CLSTN2: variants seen among roughly 807,000 people sequenced by gnomAD.
CLSTN2 encodes the protein calsyntenin-2.
CLSTN2 carries 48 observed loss-of-function variants against 101.2 expected under a neutral mutation model. That is an observed-to-expected ratio of 0.47 (90% confidence interval 0.38 to 0.60). The LOEUF is 0.60. Among genes scored for constraint, CLSTN2 ranks in the 20% least tolerant of loss-of-function variants. The pLI, the probability that CLSTN2 is intolerant of heterozygous loss-of-function variation, is 0.00. For synonymous variants in CLSTN2, 481 were observed against 463.6 expected, an observed-to-expected ratio of 1.04 and a Z score of -0.48; for missense variants, 1,160 against 1,238.2, an observed-to-expected ratio of 0.94 and a Z score of 0.95.
At chr3:140,421,859 A>G (rs116560586) in intron 5 of CLSTN2, among the ~76,000 whole-genome samples, 2,271 of 152,344 alleles carry the variant, frequency 0.015, 23 homozygotes, top group Middle Eastern at 0.031. Flanking sequence ...TCACCCTTAG[A>G]TAACAGTTTA....
At chr3:140,287,394 T>C (rs1345963246) in intron 2 of CLSTN2, among the ~76,000 whole-genome samples, 1 of 152,152 alleles carries the variant, frequency 6.6e-6, no homozygotes, top group East Asian at 1.9e-4. Flanking sequence ...AAGGGTGGAT[T>C]GTACAGGGAC....
intron 8 of CLSTN2, among the ~76,000 whole-genome samples, chr3:140,497,356 G>C (rs927895828): frequency 6.6e-6 from 1 of 152,180 alleles, no homozygotes; most frequent in Non-Finnish European, 1.5e-5. Context: ...CGCCCAGTCA[G>C]GAGGGATGGA....
chr3:140,409,431 C>T (rs557435135), intron 4 of CLSTN2, among the ~76,000 whole-genome samples: 2 of 152,280 alleles, frequency 1.3e-5, no homozygotes, highest in Admixed American at 6.5e-5. Flanking sequence ...GCTACCTGAA[C>T]CAATAAGACA....
chr3:140,381,915 G>A (rs1332270862), intron 2 of CLSTN2, among the ~76,000 whole-genome samples: 1 of 152,206 alleles, frequency 6.6e-6, no homozygotes, highest in African/African-American at 2.4e-5. Flanking sequence ...AGACCAGCAA[G>A]CATTGAATTG....
intron 1 of CLSTN2, among the ~76,000 whole-genome samples, chr3:139,978,355 G>A (rs745931664): frequency 3.5e-4 from 54 of 152,160 alleles, no homozygotes; most frequent in Non-Finnish European, 6.3e-4. Context: ...ATGTGAGAGC[G>A]TGGGACAGAG....
At chr3:140,064,845 A>C in intron 1 of CLSTN2, among the ~76,000 whole-genome samples, 1 of 152,218 alleles carries the variant, frequency 6.6e-6, no homozygotes, top group Non-Finnish European at 1.5e-5. Flanking sequence ...ATAAAGCACA[A>C]AGATTAAAGA....
chr3:140,390,735 A>T (rs2088105577), intron 2 of CLSTN2, among the ~76,000 whole-genome samples: 1 of 151,892 alleles, frequency 6.6e-6, no homozygotes, highest in South Asian at 2.1e-4. Context: ...TGTTTTGAAC[A>T]TACCAATGAG....
At chr3:140,398,102 T>A (rs543016711) in intron 2 of CLSTN2, among the ~76,000 whole-genome samples, 2 of 152,290 alleles carry the variant, frequency 1.3e-5, no homozygotes, top group East Asian at 3.9e-4. Flanking sequence ...CAAGTTTGAA[T>A]AAACATAGTT....
chr3:139,978,826 C>A (rs769129769), intron 1 of CLSTN2, among the ~76,000 whole-genome samples: 1 of 151,882 alleles, frequency 6.6e-6, no homozygotes, highest in Non-Finnish European at 1.5e-5. Context: ...GATGTGGAGG[C>A]AAATAATGAA....
intron 2 of CLSTN2, among the ~76,000 whole-genome samples, chr3:140,332,022 C>T (rs1424173950): frequency 1.3e-5 from 2 of 152,060 alleles, no homozygotes; most frequent in Non-Finnish European, 1.5e-5. Context: ...CAATTCAATC[C>T]CTGTTCTAGT....
chr3:140,275,463 G>A (rs1189520112), intron 2 of CLSTN2, among the ~76,000 whole-genome samples: 1 of 151,940 alleles, frequency 6.6e-6, no homozygotes, highest in Non-Finnish European at 1.5e-5. Context: ...GTAGGGATGG[G>A]GTCTTGCTAT....
chr3:140,563,880 C>T (rs906856068), intron 15 of CLSTN2, 81 bp from the exon 16 acceptor site: 138 of 1,398,746 alleles, frequency 9.9e-5, no homozygotes, highest in Admixed American at 2.4e-4. Context: ...ATCCTATGCA[C>T]GGATGTTTCA....
chr3:139,941,065 T>G (rs1295474885), intron 1 of CLSTN2, among the ~76,000 whole-genome samples: 3 of 152,166 alleles, frequency 2.0e-5, no homozygotes, highest in African/African-American at 7.2e-5. Context: ...TGATAATACA[T>G]GTTTATATGG....
At chr3:140,375,928 T>C (rs984030750) in intron 2 of CLSTN2, among the ~76,000 whole-genome samples, 5 of 152,204 alleles carry the variant, frequency 3.3e-5, no homozygotes, top group African/African-American at 9.7e-5. Flanking sequence ...AAACTACTTA[T>C]GCTAACACCA....
chr3:140,154,045 C>G (rs1335612648), intron 1 of CLSTN2, among the ~76,000 whole-genome samples: 3 of 152,190 alleles, frequency 2.0e-5, no homozygotes, highest in African/African-American at 4.8e-5. Flanking sequence ...GCTCTCAGGA[C>G]TTGGATTCCC....
chr3:140,509,326 C>T (rs1280245278), intron 8 of CLSTN2, among the ~76,000 whole-genome samples: 1 of 152,136 alleles, frequency 6.6e-6, no homozygotes, highest in East Asian at 1.9e-4. Context: ...CCAAAACCAC[C>T]TGGAGGGCTT....
chr3:140,018,984 T>C (rs1292251341), intron 1 of CLSTN2, among the ~76,000 whole-genome samples: 1 of 152,194 alleles, frequency 6.6e-6, no homozygotes, highest in African/African-American at 2.4e-5. Context: ...TCTGGGCATC[T>C]CTTCCCATTG....
chr3:140,533,772 T>C (rs1274205030), intron 9 of CLSTN2, among the ~76,000 whole-genome samples: 1 of 146,746 alleles, frequency 6.8e-6, no homozygotes, highest in African/African-American at 2.5e-5. Flanking sequence ...ATGAGTGAAC[T>C]AGGACTGACA....
intron 2 of CLSTN2, among the ~76,000 whole-genome samples, chr3:140,272,485 C>T (rs894387150): frequency 6.6e-6 from 1 of 152,194 alleles, no homozygotes; most frequent in Non-Finnish European, 1.5e-5. Context: ...TGTGGTGGCC[C>T]ATGCCTGTAA....
Sources: allele counts gnomAD v4.1 joint callset (sites outside exome capture counted in the v4.1 genomes callset), GRCh38; gene constraint gnomAD v4.1.1; transcripts MANE v1.5; gene names NCBI Gene and HGNC (gene_info 2026-07-23, HGNC 2026-07-21).